MUC4: variants seen among roughly 807,000 people sequenced by gnomAD.
The protein encoded by MUC4 is mucin 4, cell surface associated.
In MUC4, 202 loss-of-function variants were observed where a neutral mutation model predicts 257.9. The ratio of observed to expected loss-of-function variants is 0.78; its 90% confidence interval spans 0.70 to 0.88. MUC4 has a LOEUF of 0.88. MUC4 is among the 40% of genes least tolerant of loss of function. The pLI, the probability that MUC4 is intolerant of heterozygous loss-of-function variation, is 0.00. For synonymous variants in MUC4, 2,351 were observed against 2,757.1 expected, an observed-to-expected ratio of 0.85 and a Z score of 4.62; for missense variants, 5,976 against 6,513.7, an observed-to-expected ratio of 0.92 and a Z score of 2.84.
chr3:195,757,378 T>C lies in MUC4; in HGVS notation c.14987-50A>G. The stretch of plus-strand genomic sequence containing the variant: ...TGAGAGCTGGGAGACTCCTCGGCTC[T>C]GTGGTCTGATTGCTGATACGGGGCT... On this transcript the variant is annotated intron_variant, in intron 17 of 24. Coordinates refer to ENST00000463781, the MANE Select transcript of MUC4 (RefSeq NM_018406.7). This position sits in a 1 kb window ranked among gnomAD's most constrained non-coding sequence, Gnocchi z 4.8. 1 of 1,516,378 alleles carries C rather than the reference T, an allele frequency of 6.6e-7. No homozygotes were observed. Among genetic ancestry groups the C allele is most frequent in the Non-Finnish European group, 9.0e-7 (1 of 1,114,330 alleles). 93.9% of individuals were successfully genotyped at this position (1,516,378 alleles called of 1,614,324 possible). A position where few individuals can be genotyped will look rare whatever the true frequency, so the allele number is the denominator to read the frequency against.
At position 195,789,952 on chromosome 3, in the gene MUC4, C is replaced by A; in HGVS notation, c.1628G>T (p.Gly543Val). 6.2e-7 allele frequency: 1 copy of A among 1,613,934 alleles called. No individual in the cohort carries two copies. Among genetic ancestry groups the A allele is most frequent in the Non-Finnish European group, 8.5e-7 (1 of 1,179,876 alleles). The change falls in exon 2 of 25, where the codon GGA (glycine) becomes GTA (valine). Residue 543 changes from glycine (G) to valine (V), a missense_variant. This residue lies in a region of MUC4 where 1,583 missense variants were observed against 1,257.4 expected (regional missense o/e 1.26). Transcript: ENST00000463781. Reference protein sequence around the residue: ...PSKVSAIGEPGEPTTYSSHST... With the variant: ...PSKVSAIGEPVEPTTYSSHST... ...GTGGGAGGAGTATGTGGTGGGCTCT[C>A]CTGGTTCCCCTATTGCTGAGACCTT...
rs1043942759 is a variant in MUC4 at position 195,761,958 on chromosome 3, GC to G, written c.14512+128del. On this transcript the variant is annotated intron_variant, in intron 14 of 24. Transcript: ENST00000463781. ...CCCCTCGGCTCCCGGCCCGCTCTGT[GC>G]CCCAAGGGTTCTGCTCCAAGGAGGC... 2.0e-5 allele frequency: 23 copies of G among 1,150,402 alleles called. No homozygotes were observed. In the Admixed American group the frequency reaches 6.0e-4, roughly 30 times the overall value. 71.3% of individuals were successfully genotyped at this position (1,150,402 alleles called of 1,614,324 possible). A position where few individuals can be genotyped will look rare whatever the true frequency, so the allele number is the denominator to read the frequency against.
At position 195,788,089 on chromosome 3, in the gene MUC4, C is replaced by G. The variant is rs562096421; in HGVS notation, c.3491G>C (p.Gly1164Ala). ...HVTDASSASTGQATPLPVTSL... is the reference protein window; with the variant it reads ...HVTDASSASTAQATPLPVTSL... ...GGTGACAGGAAGAGGGGTGGCCTGA[C>G]CTGTGGATGCTGAGGAAGCATCAGT... The change falls in exon 2 of 25, where the codon GGT becomes GCT. Residue 1164 changes from glycine (G) to alanine (A), a missense_variant. By Grantham distance (60) the Gly-to-Ala change is moderately conservative. Around this residue, in one of 44 missense-constraint regions of MUC4, gnomAD observed 90 missense variants for 106.2 expected, o/e 0.85. Transcript: ENST00000463781. 2 of 1,467,018 alleles carry G rather than the reference C, an allele frequency of 1.4e-6. No individual in the cohort carries two copies. Among genetic ancestry groups the G allele is most frequent in the South Asian group, 2.5e-5 (2 of 79,410 alleles). The allele number at this position is 1,467,018 out of a possible 1,614,324, so 90.9% of individuals were successfully genotyped here.
rs552544270 is a variant in MUC4 at position 195,759,365 on chromosome 3, T to C, written c.14849-104A>G. 10 of 1,417,254 alleles carry C rather than the reference T, an allele frequency of 7.1e-6. No individual in the cohort carries two copies. In the East Asian group the frequency reaches 2.3e-4, roughly 33 times the overall value. 87.8% of individuals were successfully genotyped at this position (1,417,254 alleles called of 1,614,324 possible). A position where few individuals can be genotyped will look rare whatever the true frequency, so the allele number is the denominator to read the frequency against. ...AATATGTGTGAGGCATTCCCAGGAC[T>C]GTGACCCACCTCTGGAAGAAGGAAT... is the stretch of plus-strand genomic sequence containing the variant. On this transcript the variant is annotated intron_variant, in intron 16 of 24. Transcript: ENST00000463781.
At position 195,784,797 on chromosome 3, in the gene MUC4, G is replaced by T. The variant is rs3107748; in HGVS notation, c.6783C>A (p.Asp2261Glu). 1 of 903,812 alleles carries T rather than the reference G, an allele frequency of 1.1e-6. No homozygotes were observed. Among genetic ancestry groups the T allele is most frequent in the African/African-American group, 1.7e-5 (1 of 60,164 alleles). The allele number at this position is 903,812 out of a possible 1,614,324, so 56.0% of individuals were successfully genotyped here. A position where few individuals can be genotyped will look rare whatever the true frequency, so the allele number is the denominator to read the frequency against. Residue 2261 changes from aspartate (D) to glutamate (E), a missense_variant, in exon 2 of 25, where the codon GAC becomes GAA. This residue lies in a region of MUC4 where 85 missense variants were observed against 325.0 expected (regional missense o/e 0.26). Coordinates refer to ENST00000463781, the MANE Select transcript of MUC4 (RefSeq NM_018406.7). Reference protein sequence around the residue: ...TGDTTPLPVTDASSVSTGHAT... With the variant: ...TGDTTPLPVTEASSVSTGHAT... ...CGTGACCTGTGGACACTGAGGAAGCGTCGGTGACAGGAAGAGGGGTGGTGT... is the reference window on the plus strand; with the variant it reads ...CGTGACCTGTGGACACTGAGGAAGCTTCGGTGACAGGAAGAGGGGTGGTGT...
chr3:195,778,488 C>G, intron 2 of MUC4, 33 bp from the exon 3 acceptor site: 1 of 1,604,058 alleles, frequency 6.2e-7, no homozygotes. Context: ...CGGGGTGTTT[C>G]TTACAGTAAC....
chr3:195,797,779 C>A (rs369234355), intron 1 of MUC4, among the ~76,000 whole-genome samples: 11 of 152,064 alleles, frequency 7.2e-5, no homozygotes, highest in African/African-American at 2.7e-4. Context: ...ACATTATTAG[C>A]AAAGTTCTAT....
rs1732371256 is a variant in MUC4 at position 195,786,925 on chromosome 3, GGGGTGGTGTCACCTGTGGATGCT to G, written c.4632_4654del (p.Ala1545SerfsTer45). The G allele has an allele frequency of 6.7e-7, 1 of 1,492,726 alleles. No homozygotes were observed. The highest frequency in any genetic ancestry group is 1.2e-5 in the South Asian group (1 of 81,318). The allele number at this position is 1,492,726 out of a possible 1,614,324, so 92.5% of individuals were successfully genotyped here. On this transcript the variant is annotated frameshift_variant, in exon 2 of 25. Coordinates refer to ENST00000463781, the MANE Select transcript of MUC4 (RefSeq NM_018406.7). LOFTEE classifies it high-confidence loss of function. Reference sequence around the variant, plus strand: ...TGAGGAAGCGTCGGTGACAGGAAGAGGGGTGGTGTCACCTGTGGATGCTGAGGAAGGGCTAGTGACAGGAAGAG... The same window carrying G: ...TGAGGAAGCGTCGGTGACAGGAAGAGGAGGAAGGGCTAGTGACAGGAAGAG...
Position 195,779,219 on chromosome 3 carries a change from C to T in MUC4, c.12361G>A (p.Ala4121Thr). The T allele has an allele frequency of 7.8e-7, 1 of 1,276,028 alleles. No homozygotes were observed. The highest frequency in any genetic ancestry group is 2.7e-5 in the East Asian group (1 of 36,928). The allele number at this position is 1,276,028 out of a possible 1,614,324, so 79.0% of individuals were successfully genotyped here. ...TPLPVTDTSS[A>T]STGQATPLPV... ...AGAGGGGTGGCCTGACCTGTGGATG[C>T]AGAGGAAGTGTCGGTGACAGGAAGA... is the stretch of plus-strand genomic sequence containing the variant. Residue 4121 changes from alanine (A) to threonine (T), a missense_variant, in exon 2 of 25, where the codon GCA becomes ACA. Physicochemically the swap from Ala to Thr is moderately conservative, Grantham distance 58. Around this residue, in one of 44 missense-constraint regions of MUC4, gnomAD observed 293 missense variants for 294.5 expected, o/e 1.00. Coordinates refer to ENST00000463781, the MANE Select transcript of MUC4 (RefSeq NM_018406.7).
chr3:195,762,961 AG>A lies in MUC4; in HGVS notation c.14254-17del. 3 of 1,535,108 alleles carry A rather than the reference AG, an allele frequency of 2.0e-6. No homozygotes were observed. Among genetic ancestry groups the A allele is most frequent in the Non-Finnish European group, 2.6e-6 (3 of 1,135,920 alleles). Reference sequence around the variant, plus strand: ...GCCATTGGACCTGGAAGGAGATGGGAGGGGGCCTGAGCCCGACCCGCAGGTG... The same window carrying A: ...GCCATTGGACCTGGAAGGAGATGGGAGGGGCCTGAGCCCGACCCGCAGGTG... On this transcript the variant is annotated splice_polypyrimidine_tract_variant and intron_variant, in intron 12 of 24. Coordinates refer to ENST00000463781, the MANE Select transcript of MUC4 (RefSeq NM_018406.7).
Position 195,751,046 on chromosome 3 carries a change from G to A in MUC4, c.15714C>T (p.Tyr5238=), listed in dbSNP as rs143432023. The change falls in exon 23 of 25, where the codon TAC becomes TAT. Residue 5238 remains tyrosine (Y), a synonymous_variant. Transcript: ENST00000463781. ...AGTCAATGACCGGGCCCCGAGGGCG[G>A]TACTGGAACTCCGAGATGACCATCC... ...QHWMVISEFQ[Y]RPRGPVIDFL... 14 of 1,610,762 alleles carry A rather than the reference G, an allele frequency of 8.7e-6. No individual in the cohort carries two copies. The highest frequency in any genetic ancestry group is 1.2e-5 in the Non-Finnish European group (14 of 1,178,446).
rs1211413186 is a variant in MUC4 at position 195,779,113 on chromosome 3, C to T, written c.12467G>A (p.Gly4156Asp). Reference protein sequence around the residue: ...PVTIPSSASSGHTTSLPVTDA... With the variant: ...PVTIPSSASSDHTTSLPVTDA... ...GGTGACAGGAAGAGAGGTGGTGTGA[C>T]CTGAGGATGCTGAGGAAGGGATGGT... Residue 4156 changes from glycine (G) to aspartate (D), a missense_variant, in exon 2 of 25, where the codon GGT becomes GAT. By Grantham distance (94) the Gly-to-Asp change is moderately conservative. Around this residue, in one of 44 missense-constraint regions of MUC4, gnomAD observed 293 missense variants for 294.5 expected, o/e 1.00. Coordinates refer to ENST00000463781, the MANE Select transcript of MUC4 (RefSeq NM_018406.7). 6 of 1,511,158 alleles carry T rather than the reference C, an allele frequency of 4.0e-6. No homozygotes were observed. Among genetic ancestry groups the T allele is most frequent in the Middle Eastern group, 2.3e-4 (1 of 4,276 alleles). The allele number at this position is 1,511,158 out of a possible 1,614,324, so 93.6% of individuals were successfully genotyped here.
At chr3:195,761,179 A>G in intron 15 of MUC4, 62 bp from the exon 16 acceptor site, 1 of 1,471,134 alleles carries the variant, frequency 6.8e-7, no homozygotes, top group Non-Finnish European at 9.5e-7. Flanking sequence ...ATCTGTGTCC[A>G]CCTCTACCCC....
intron 3 of MUC4, among the ~76,000 whole-genome samples, chr3:195,774,993 C>T (rs1429704669): frequency 1.3e-5 from 2 of 151,920 alleles, no homozygotes; most frequent in Non-Finnish European, 2.9e-5. Flanking sequence ...TTTCCTAAGA[C>T]GGCCTTTCTC....
Position 195,788,883 on chromosome 3 carries a change from C to A in MUC4, c.2697G>T (p.Gln899His). Residue 899 changes from glutamine (Q) to histidine (H), a missense_variant, in exon 2 of 25, where the codon CAG becomes CAT. Coordinates refer to ENST00000463781, the MANE Select transcript of MUC4 (RefSeq NM_018406.7). ...CCATCCGGGAAATGGCGGCTGTCTC[C>A]TGAGGAGAGGCACTGGGAGAAGTTG... ...SSPTSPSASP[Q>H]ETAAISRMAQ... 6.2e-7 allele frequency: 1 copy of A among 1,613,784 alleles called. No homozygotes were observed. Among genetic ancestry groups the A allele is most frequent in the South Asian group, 1.1e-5 (1 of 91,060 alleles).
chr3:195,780,927 G>T lies in MUC4; in HGVS notation c.10653C>A (p.Thr3551=). The T allele has an allele frequency of 7.7e-7, 1 of 1,300,036 alleles. No individual in the cohort carries two copies. The highest frequency in any genetic ancestry group is 1.0e-6 in the Non-Finnish European group (1 of 1,002,338). The allele number at this position is 1,300,036 out of a possible 1,614,324, so 80.5% of individuals were successfully genotyped here. Residue 3551 remains threonine (T), a synonymous_variant, in exon 2 of 25, where the codon ACC becomes ACA. Transcript: ENST00000463781. ...AGGAAGCGTCGGTGACAGGAAGAGG[G>T]GTGGTGTCACCTGTGGATACTGAGG... The part of the protein sequence containing the change: ...SLSSVSTGDT[T]PLPVTDASSA...
rs747993090 is a variant in MUC4 at position 195,786,823 on chromosome 3, G to T, written c.4757C>A (p.Pro1586His). ...GGATGCTGAGGAAGTGTCGGTGACA[G>T]GAAGAGGGGTGGTGTGACCTGTAGA... The part of the protein sequence containing the change: ...SASTGHTTPL[P>H]VTDTSSASKG... Residue 1586 changes from proline to histidine, a missense_variant, in exon 2 of 25, where the codon CCT becomes CAT. Pro to His is a moderately conservative substitution (Grantham distance 77, BLOSUM62 -2). Coordinates refer to ENST00000463781, the MANE Select transcript of MUC4 (RefSeq NM_018406.7). 1 of 1,502,788 alleles carries T rather than the reference G, an allele frequency of 6.7e-7. No individual in the cohort carries two copies. Among genetic ancestry groups the T allele is most frequent in the African/African-American group, 1.9e-5 (1 of 53,816 alleles). The allele number at this position is 1,502,788 out of a possible 1,614,324, so 93.1% of individuals were successfully genotyped here. A position where few individuals can be genotyped will look rare whatever the true frequency, so the allele number is the denominator to read the frequency against.
Position 195,780,975 on chromosome 3 carries a change from C to T in MUC4, c.10605G>A (p.Thr3535=), listed in dbSNP as rs879868571. 3.1e-5 allele frequency: 13 copies of T among 413,252 alleles called. 1 individual carries two copies. Among genetic ancestry groups the T allele is most frequent in the Admixed American group, 1.9e-4 (3 of 15,542 alleles). The allele number at this position is 413,252 out of a possible 1,614,324, so 25.6% of individuals were successfully genotyped here. A position where few individuals can be genotyped will look rare whatever the true frequency, so the allele number is the denominator to read the frequency against. ...AGGAAAGGCTGGTGACAGGAAGAGGCGTGGCGTGACCGGTGGATACTGAGG... is the reference window on the plus strand; with the variant it reads ...AGGAAAGGCTGGTGACAGGAAGAGGTGTGGCGTGACCGGTGGATACTGAGG... ...DTSSVSTGHA[T]PLPVTSLSSV... Residue 3535 remains threonine, a synonymous_variant, in exon 2 of 25, where the codon ACG becomes ACA. Transcript: ENST00000463781.
At chr3:195,791,567 A>G in intron 1 of MUC4, 70 bp from the exon 2 acceptor site, 1 of 933,564 alleles carries the variant, frequency 1.1e-6, no homozygotes, top group Non-Finnish European at 1.7e-6. Context: ...ATTGCTACAA[A>G]TAGAATAAAA....
Sources: gnomAD v4.1 joint callset for allele counts (sites outside exome capture counted in the v4.1 genomes callset) on GRCh38, gnomAD v4.1.1 for gene constraint, gnomAD v4.1.1 regional missense constraint, Gnocchi (gnomAD v3.1) non-coding constraint, MANE v1.5 for transcripts, NCBI Gene and HGNC (gene_info 2026-07-23, HGNC 2026-07-21) for gene names.